MEIS1: variants seen among roughly 807,000 people sequenced by gnomAD.
MEIS1 encodes the protein homeobox protein Meis1.
Under a neutral mutation model 50.8 loss-of-function variants are expected in MEIS1, and 5 were observed. The ratio of observed to expected loss-of-function variants is 0.10; its 90% CI spans 0.05 to 0.21. The LOEUF is 0.21. MEIS1 is among the 10% of genes least tolerant of loss of function. The pLI, the probability that MEIS1 is intolerant of heterozygous loss-of-function variation, is 1.00. For missense variants in MEIS1, 318 were observed against 517.3 expected (o/e 0.61, Z 3.74); for synonymous variants, 176 against 179.3 (o/e 0.98, Z 0.15).
intron 11 of MEIS1, 62 bp downstream of exon 11, chr2:66,568,818 A>AACACAGGTAAATCCGCCTCATCC (rs776502796): frequency 1.3e-5 from 18 of 1,411,254 alleles, no homozygotes; most frequent in Admixed American, 3.3e-5. Context: ...TCCCCTCATC[A>AACACAGGTAAATCCGCCTCATCC]ACACAGGTAA....
chr2:66,533,361 C>A lies in MEIS1; in HGVS notation c.889-14582C>A, dbSNP rs576812913. ...TAGACTTTATAATATAGAATATTTT[C>A]TCAGTGCCTTAGTCAGTCCCCGAGG... On this transcript the variant is annotated intron_variant, in intron 8 of 12. Transcript: ENST00000272369. 6.6e-5 allele frequency among the ~76,000 whole-genome samples: 10 copies of A among 152,250 alleles called. No individual in the cohort carries two copies. The South Asian group carries it at 2.1e-3, about 32-fold the overall frequency.
At chr2:66,438,151 C>T (rs367893452) in intron 2 of MEIS1, among the ~76,000 whole-genome samples, 188 bp downstream of exon 2, 42 of 152,196 alleles carry the variant, frequency 2.8e-4, no homozygotes, top group African/African-American at 1.0e-3. Context: ...CCCATACACA[C>T]TCTGTGCACA....
At chr2:66,511,546 T>C (rs1257472918) in intron 7 of MEIS1, among the ~76,000 whole-genome samples, 5 of 152,216 alleles carry the variant, frequency 3.3e-5, no homozygotes, top group African/African-American at 1.2e-4. Context: ...ATTAAGAAAC[T>C]ATGTCAGGGG....
At chr2:66,489,428 C>G (rs972567069) in intron 7 of MEIS1, among the ~76,000 whole-genome samples, 1 of 152,114 alleles carries the variant, frequency 6.6e-6, no homozygotes, top group Non-Finnish European at 1.5e-5. Context: ...CAGGTTGATT[C>G]TTAATATAGT....
chr2:66,467,334 C>T (rs1201365023), intron 7 of MEIS1, among the ~76,000 whole-genome samples: 8 of 151,236 alleles, frequency 5.3e-5, no homozygotes, highest in African/African-American at 7.3e-5. Context: ...CAGTGGCTCA[C>T]GCCTGTAATC....
At chr2:66,473,709 C>A (rs1020144956) in intron 7 of MEIS1, among the ~76,000 whole-genome samples, 1 of 152,020 alleles carries the variant, frequency 6.6e-6, no homozygotes, top group African/African-American at 2.4e-5. Flanking sequence ...CATATATCCC[C>A]TGAATTCTAA....
intron 7 of MEIS1, among the ~76,000 whole-genome samples, chr2:66,479,665 A>T (rs1400216333): frequency 6.6e-6 from 1 of 152,216 alleles, no homozygotes; most frequent in Admixed American, 6.5e-5. Flanking sequence ...ATTGGTTAAT[A>T]TGATCTCACT....
intron 7 of MEIS1, among the ~76,000 whole-genome samples, chr2:66,492,070 TGTG>T (rs1013674549): frequency 1.8e-5 from 2 of 111,200 alleles, no homozygotes; most frequent in African/African-American, 3.2e-5. Flanking sequence ...AGCGTTCACT[TGTG>T]TGTGTGTGTG....
rs937968080 is a variant in MEIS1, at chr2:66,475,269, ATATAT to A, written c.742+11055_742+11059del. ...ATGTTATTTATAAAATAAATATATA[ATATAT>A]TATATATAAAAATATAAAATAAATT... is the stretch of plus-strand genomic sequence containing the variant. On this transcript the variant is annotated intron_variant, in intron 7 of 12. Transcript: ENST00000272369. Among the ~76,000 whole-genome samples the A allele has an allele frequency of 4.3e-4, 61 of 140,594 alleles. No individual in the cohort carries two copies. The East Asian group carries it at 5.1e-3, about 12-fold the overall frequency. The allele number at this position is 140,594 out of a possible 152,430, so 92.2% of individuals were successfully genotyped here.
chr2:66,561,328 G>A (rs1675207244), intron 9 of MEIS1, among the ~76,000 whole-genome samples: 1 of 151,928 alleles, frequency 6.6e-6, no homozygotes, highest in African/African-American at 2.4e-5. Flanking sequence ...GAAATTCCTG[G>A]AATAAAAAAA....
intron 6 of MEIS1, among the ~76,000 whole-genome samples, chr2:66,448,655 TCAAA>T (rs764609230): frequency 2.0e-5 from 3 of 152,178 alleles, no homozygotes; most frequent in Non-Finnish European, 2.9e-5. Flanking sequence ...CATAAATATG[TCAAA>T]CAAATGTGAA....
chr2:66,457,867 C>G (rs1253376529), intron 6 of MEIS1, among the ~76,000 whole-genome samples: 1 of 152,210 alleles, frequency 6.6e-6, no homozygotes, highest in South Asian at 2.1e-4. Flanking sequence ...GACCTGGAGA[C>G]TGTCCTCACC....
At chr2:66,465,980 G>A (rs1672625196) in intron 7 of MEIS1, among the ~76,000 whole-genome samples, 2 of 152,032 alleles carry the variant, frequency 1.3e-5, no homozygotes, top group Admixed American at 6.6e-5. Context: ...TACTTATAAT[G>A]TTTCTTCCTA....
chr2:66,525,768 G>A (rs553947023), intron 8 of MEIS1, among the ~76,000 whole-genome samples: 1 of 152,326 alleles, frequency 6.6e-6, no homozygotes, highest in African/African-American at 2.4e-5. Flanking sequence ...GATACAGAAT[G>A]TTGTGGTTCA....
At chr2:66,448,868 T>C (rs1672216033) in intron 6 of MEIS1, among the ~76,000 whole-genome samples, 1 of 152,100 alleles carries the variant, frequency 6.6e-6, no homozygotes, top group South Asian at 2.1e-4. Context: ...GTCAGGGAAA[T>C]AGTTGAAGGA....
chr2:66,471,370 T>C (rs546281135), intron 7 of MEIS1, among the ~76,000 whole-genome samples: 4 of 152,362 alleles, frequency 2.6e-5, no homozygotes, highest in Admixed American at 1.3e-4. Context: ...TAAGTCACAA[T>C]TCTGCTTTCC....
Position 66,435,767 on chromosome 2 carries a change from T to G in MEIS1, c.-90T>G. 3 of 516,124 alleles carry G rather than the reference T, an allele frequency of 5.8e-6. No homozygotes were observed. The highest frequency in any genetic ancestry group is 9.1e-6 in the Non-Finnish European group (3 of 327,900). The allele number at this position is 516,124 out of a possible 1,614,324, so 32.0% of individuals were successfully genotyped here. On this transcript the variant is annotated 5_prime_UTR_variant, in exon 1 of 13. Transcript: ENST00000272369. ...GCTTTTTTTTTTTTTTTTTTTTTTT[T>G]CCGGGGGAGTTTGAATATTTGTTTC...
At chr2:66,504,833 C>T (rs1177114853) in intron 7 of MEIS1, among the ~76,000 whole-genome samples, 2 of 152,098 alleles carry the variant, frequency 1.3e-5, no homozygotes, top group Non-Finnish European at 2.9e-5. Flanking sequence ...ATTTTGGTTT[C>T]CAAAGGAACC....
chr2:66,436,776 A>C, intron 1 of MEIS1: 1 of 661,588 alleles, frequency 1.5e-6, no homozygotes, highest in Non-Finnish European at 1.9e-6. Flanking sequence ...AGCGCCTCCA[A>C]ATCTTGGGAA....
Sources: allele counts gnomAD v4.1 joint callset (sites outside exome capture counted in the v4.1 genomes callset), GRCh38; gene constraint gnomAD v4.1.1; transcripts MANE v1.5; gene names NCBI Gene and HGNC (gene_info 2026-07-23, HGNC 2026-07-21).